Variants in ADAT1 observed in about 807,000 individuals in gnomAD.
The protein encoded by ADAT1 is adenosine deaminase tRNA specific 1, also known as tRNA-specific adenosine deaminase 1.
A neutral mutation model predicts 58.6 loss-of-function variants in ADAT1; 58 were observed. The observed-to-expected ratio is 0.99, with a 90% CI of 0.80 to 1.23. The LOEUF is 1.23. ADAT1 is among the 50% of genes most tolerant of loss of function. The pLI is 0.00. For missense variants in ADAT1, 741 were observed against 608.6 expected, an observed-to-expected ratio of 1.22 and a Z score of -2.29; for synonymous variants, 254 against 220.8, an observed-to-expected ratio of 1.15 and a Z score of -1.33.
chr16:75,612,650 T>C lies in ADAT1; in HGVS notation c.636A>G (p.Ala212=). The C allele has an allele frequency of 6.2e-7, 1 of 1,614,104 alleles. No individual in the cohort carries two copies. The highest frequency in any genetic ancestry group is 8.5e-7 in the Non-Finnish European group (1 of 1,180,034). ...GCTTGCCAAAACTCTGATGGTGAGC[T>C]GCTCCGTTGGTGACCTCCCTGGCTG... ...GTAAREVTNG[A]AHHQSFGKQK... is the part of the protein sequence containing the mutation. Residue 212 remains alanine (A), a synonymous_variant, in exon 6 of 10, where the codon GCA becomes GCG. Coordinates refer to ENST00000564657, the MANE Select transcript of ADAT1 (RefSeq NM_001324445.2).
At chr16:75,618,786 AT>A in intron 3 of ADAT1, 146 bp from the exon 4 acceptor site, 1 of 873,572 alleles carries the variant, frequency 1.1e-6, no homozygotes, top group Non-Finnish European at 1.8e-6. Context: ...ACAATCATGA[AT>A]AACAATGCAT....
At chr16:75,602,915 T>C (rs2081267391) in intron 9 of ADAT1, among the ~76,000 whole-genome samples, 170 bp downstream of exon 9, 1 of 152,156 alleles carries the variant, frequency 6.6e-6, no homozygotes, top group African/African-American at 2.4e-5. Context: ...GCATCTCAGA[T>C]CATGCACGTA....
At chr16:75,612,163 G>T (rs2081557976) in intron 6 of ADAT1, 80 bp downstream of exon 6, 2 of 1,464,064 alleles carry the variant, frequency 1.4e-6, no homozygotes, top group Non-Finnish European at 1.9e-6. Context: ...AAGGTATGGA[G>T]ATTCTTAATG....
chr16:75,619,466 G>A (rs2081857475), intron 3 of ADAT1, among the ~76,000 whole-genome samples: 1 of 151,842 alleles, frequency 6.6e-6, no homozygotes, highest in Non-Finnish European at 1.5e-5. Context: ...GAGCCCAGGA[G>A]TTCAAGGCTG....
Position 75,604,474 on chromosome 16 carries a change from TACACACACACACAC to T in ADAT1, c.1290-1317_1290-1304del, listed in dbSNP as rs373687206. On this transcript the variant is annotated intron_variant, in intron 8 of 9. Coordinates refer to ENST00000564657, the MANE Select transcript of ADAT1 (RefSeq NM_001324445.2). The stretch of plus-strand genomic sequence containing the variant: ...AAAAAAAAATATATATATATATATA[TACACACACACACAC>T]ACACACACACACACACACACACACA... 3.4e-3 allele frequency among the ~76,000 whole-genome samples: 186 copies of T among 53,988 alleles called. 1 individual carries two copies. Among genetic ancestry groups the T allele is most frequent in the African/African-American group, 6.9e-3 (69 of 10,014 alleles). 35.4% of individuals were successfully genotyped at this position (53,988 alleles called of 152,430 possible).
At chr16:75,613,006 G>T in intron 5 of ADAT1, 145 bp from the exon 6 acceptor site, 2 of 989,522 alleles carry the variant, frequency 2.0e-6, no homozygotes, top group South Asian at 1.8e-5. Context: ...CGGAGGCAGA[G>T]CCCAGCAGTG....
chr16:75,615,436 G>A (rs568372152), intron 5 of ADAT1, among the ~76,000 whole-genome samples: 45 of 127,608 alleles, frequency 3.5e-4, no homozygotes, highest in African/African-American at 1.4e-3. Context: ...AAATTGTCTT[G>A]GGCCACACAC....
chr16:75,609,044 C>T (rs1161335248), intron 6 of ADAT1, 56 bp from the exon 7 acceptor site: 2 of 1,601,698 alleles, frequency 1.2e-6, no homozygotes, highest in Non-Finnish European at 8.5e-7. Flanking sequence ...AAAACAGTAT[C>T]TAGGATTGTG....
Position 75,611,178 on chromosome 16 carries a change from T to G in ADAT1, c.1043+1065A>C, listed in dbSNP as rs118092879. ...GGTTAAAAAACATATATAATGGCAA[T>G]GTATGTGCACTGTAGAAAAATCAGA... On this transcript the variant is annotated intron_variant, in intron 6 of 9. Transcript: ENST00000564657. Among the ~76,000 whole-genome samples the G allele has an allele frequency of 1.6e-3, 240 of 152,126 alleles. 5 individuals are homozygous for G. In the East Asian group the frequency reaches 0.043, roughly 27 times the overall value.
In ADAT1 at chr16:75,617,282, G is replaced by C. The variant is rs773947279; in HGVS notation, c.294-10C>G. 4.3e-6 allele frequency: 7 copies of C among 1,610,262 alleles called. No individual in the cohort carries two copies. The highest frequency in any genetic ancestry group is 3.3e-5 in the Admixed American group (2 of 59,862). Reference sequence around the variant, plus strand: ...TTGGTGGAGAAGGTACCTAAGGGTTGCAAGATGTTATTAGGATGAACAACC... The same window carrying C: ...TTGGTGGAGAAGGTACCTAAGGGTTCCAAGATGTTATTAGGATGAACAACC... On this transcript the variant is annotated splice_polypyrimidine_tract_variant and intron_variant, in intron 4 of 9. Transcript: ENST00000564657.
chr16:75,598,948 C>T lies in ADAT1; in HGVS notation c.*1268G>A, dbSNP rs1455412448. 2 of 985,202 alleles carry T rather than the reference C, an allele frequency of 2.0e-6. No homozygotes were observed. Among genetic ancestry groups the T allele is most frequent in the East Asian group, 1.1e-4 (1 of 8,820 alleles). 61.0% of individuals were successfully genotyped at this position (985,202 alleles called of 1,614,324 possible). A position where few individuals can be genotyped will look rare whatever the true frequency, so the allele number is the denominator to read the frequency against. On this transcript the variant is annotated 3_prime_UTR_variant, in exon 10 of 10. Transcript: ENST00000564657. ...AAGAACCAATAAGGACCTTGAGTAA[C>T]CCCAACATGGGAGCTTCCATTTTCA...
intron 6 of ADAT1, among the ~76,000 whole-genome samples, chr16:75,609,901 G>T (rs1437735417): frequency 6.6e-6 from 1 of 151,616 alleles, no homozygotes; most frequent in African/African-American, 2.4e-5. Context: ...ATGGGATTTT[G>T]CCATATTGCC....
At chr16:75,617,330 C>A in intron 4 of ADAT1, 58 bp from the exon 5 acceptor site, 1 of 1,578,690 alleles carries the variant, frequency 6.3e-7, no homozygotes, top group Non-Finnish European at 8.7e-7. Context: ...AAGGGGAAAG[C>A]CTCTGGTTGG....
intron 9 of ADAT1, among the ~76,000 whole-genome samples, chr16:75,602,475 G>A (rs558570780): frequency 5.3e-5 from 8 of 152,310 alleles, no homozygotes; most frequent in African/African-American, 1.4e-4. Flanking sequence ...ATGACTGAAC[G>A]TGAAGGGGAG....
chr16:75,600,787 T>C (rs1021637932), intron 9 of ADAT1, among the ~76,000 whole-genome samples: 1 of 152,246 alleles, frequency 6.6e-6, no homozygotes, highest in African/African-American at 2.4e-5. Context: ...ACCTTCCCTT[T>C]GTTCTTCAGA....
At chr16:75,605,704 G>A (rs2081349609) in intron 8 of ADAT1, among the ~76,000 whole-genome samples, 1 of 151,906 alleles carries the variant, frequency 6.6e-6, no homozygotes, top group African/African-American at 2.4e-5. Flanking sequence ...GGGAGGCTGA[G>A]GCGGGTGGAT....
chr16:75,599,794 G>C lies in ADAT1; in HGVS notation c.*422C>G, dbSNP rs2081175300. ...AGAATGGCTCCCTGAAGAAAGAAAG[G>C]CTGGGAATACAAAATATATATTCGC... On this transcript the variant is annotated 3_prime_UTR_variant, in exon 10 of 10. Coordinates refer to ENST00000564657, the MANE Select transcript of ADAT1 (RefSeq NM_001324445.2). 1 of 993,030 alleles carries C rather than the reference G, an allele frequency of 1.0e-6. No individual in the cohort carries two copies. The highest frequency in any genetic ancestry group is 1.2e-6 in the Non-Finnish European group (1 of 834,556). 61.5% of individuals were successfully genotyped at this position (993,030 alleles called of 1,614,324 possible). A position where few individuals can be genotyped will look rare whatever the true frequency, so the allele number is the denominator to read the frequency against.
At chr16:75,604,706 C>G (rs2081325837) in intron 8 of ADAT1, among the ~76,000 whole-genome samples, 1 of 151,832 alleles carries the variant, frequency 6.6e-6, no homozygotes, top group South Asian at 2.1e-4. Flanking sequence ...ACAAGGGGGA[C>G]TTGCTATCAC....
At chr16:75,608,793 T>A (rs773941704) in intron 7 of ADAT1, 50 bp downstream of exon 7, 8 of 1,580,280 alleles carry the variant, frequency 5.1e-6, no homozygotes, top group Non-Finnish European at 6.9e-6. Flanking sequence ...GGGGCCACTC[T>A]CAGTCAGGGG....
Sources: allele counts gnomAD v4.1 joint callset (sites outside exome capture counted in the v4.1 genomes callset), GRCh38; gene constraint gnomAD v4.1.1; transcripts MANE v1.5; gene names NCBI Gene and HGNC (gene_info 2026-07-23, HGNC 2026-07-21).